RAD51B: variants seen among roughly 807,000 people sequenced by gnomAD.
RAD51B encodes RAD51 paralog B, also known as DNA repair protein RAD51 homolog 2.
A neutral mutation model predicts 42.2 loss-of-function variants in RAD51B; 38 were observed. The ratio of observed to expected loss-of-function variants is 0.90; its 90% CI spans 0.70 to 1.18. The LOEUF is 1.18. Among genes scored for constraint, RAD51B ranks in the 50% most tolerant of loss-of-function variants. The pLI, the probability that RAD51B is intolerant of heterozygous loss-of-function variation, is 0.00. For missense variants in RAD51B, 373 were observed against 400.7 expected (o/e 0.93, Z 0.59); for synonymous variants, 154 against 145.2 (o/e 1.06, Z -0.43).
rs74552871 is a variant in RAD51B at position 68,438,992 on chromosome 14, T to C, written c.957+27465T>C. On this transcript the variant is annotated intron_variant, in intron 9 of 10. Coordinates refer to ENST00000471583, the MANE Select transcript of RAD51B (RefSeq NM_133510.4). ...GTGGATCATGCCAGTCAGTGGATTG[T>C]TTGCTCTCAGATCCGCTCCCTGCCC... 1.1e-4 allele frequency among the ~76,000 whole-genome samples: 16 copies of C among 152,246 alleles called. No individual in the cohort carries two copies. In the East Asian group the frequency reaches 2.3e-3, roughly 22 times the overall value.
At chr14:68,644,587 G>A (rs927106167) in intron 10 of RAD51B, among the ~76,000 whole-genome samples, 3 of 152,318 alleles carry the variant, frequency 2.0e-5, no homozygotes, top group African/African-American at 7.2e-5. Context: ...CACACTGAAT[G>A]TTGCTCTCCT....
At chr14:68,524,450 A>C (rs1886793575) in intron 10 of RAD51B, among the ~76,000 whole-genome samples, 1 of 152,118 alleles carries the variant, frequency 6.6e-6, no homozygotes, top group Non-Finnish European at 1.5e-5. Flanking sequence ...GGGTTGGTTC[A>C]AGACCAAGAA....
rs566107713 is a variant in RAD51B, at chr14:68,648,634, A to C, written c.1037-2147A>C. Among the ~76,000 whole-genome samples the C allele has an allele frequency of 2.0e-5, 3 of 150,482 alleles. No individual in the cohort carries two copies. The South Asian group carries it at 6.4e-4, about 32-fold the overall frequency. On this transcript the variant is annotated intron_variant, in intron 10 of 11. Coordinates refer to the RAD51B transcript ENST00000488612. ...CTCTGAAGCTTAACGAAGAATTTTT[A>C]AACTAGTGGGACAAAGCTCAATAAT... is the stretch of plus-strand genomic sequence containing the variant.
intron 10 of RAD51B, among the ~76,000 whole-genome samples, chr14:68,548,368 G>A (rs894861327): frequency 1.3e-5 from 2 of 152,194 alleles, no homozygotes; most frequent in African/African-American, 2.4e-5. Context: ...ACTCAGGCTC[G>A]TGCGTCACTG....
chr14:67,932,927 G>A (rs2044794480), intron 7 of RAD51B, among the ~76,000 whole-genome samples: 2 of 152,148 alleles, frequency 1.3e-5, no homozygotes, highest in Non-Finnish European at 2.9e-5. Context: ...TAGCAGCAGT[G>A]GCAGCGGCTG....
At chr14:68,292,401 G>A (rs1484988783) in intron 8 of RAD51B, among the ~76,000 whole-genome samples, 1 of 152,124 alleles carries the variant, frequency 6.6e-6, no homozygotes, top group South Asian at 2.1e-4. Flanking sequence ...TTCCTGATCA[G>A]CTTTACAGAA....
chr14:68,438,404 A>G (rs912889432), intron 9 of RAD51B, among the ~76,000 whole-genome samples: 1 of 152,170 alleles, frequency 6.6e-6, no homozygotes, highest in Non-Finnish European at 1.5e-5. Context: ...TCACTGAAAC[A>G]GGCTGGTAAA....
intron 8 of RAD51B, among the ~76,000 whole-genome samples, chr14:68,335,529 C>T (rs1481166133): frequency 6.6e-6 from 1 of 152,134 alleles, no homozygotes; most frequent in Non-Finnish European, 1.5e-5. Context: ...AACCAGCTCA[C>T]CTTCCTGGAT....
chr14:68,260,319 G>GTGTGTGTGTGTGTGTGT (rs1555383057), intron 7 of RAD51B, among the ~76,000 whole-genome samples: 51 of 136,160 alleles, frequency 3.7e-4, no homozygotes, highest in South Asian at 6.5e-4. Flanking sequence ...GTGTGTGTGT[G>GTGTGTGTGTGTGTGTGT]GAGAGGGGAA....
intron 11 of RAD51B, among the ~76,000 whole-genome samples, chr14:68,673,348 A>C (rs900037801): frequency 6.6e-6 from 1 of 152,024 alleles, no homozygotes; most frequent in Non-Finnish European, 1.5e-5. Context: ...ACACATATAC[A>C]TAAACACACA....
chr14:68,673,951 C>G (rs1371270056), intron 11 of RAD51B, among the ~76,000 whole-genome samples: 1 of 151,960 alleles, frequency 6.6e-6, no homozygotes, highest in Non-Finnish European at 1.5e-5. Context: ...ATACTGTACA[C>G]ACACATCTAT....
intron 10 of RAD51B, among the ~76,000 whole-genome samples, chr14:68,590,156 C>G (rs1274625808): frequency 6.6e-6 from 1 of 152,206 alleles, no homozygotes; most frequent in Admixed American, 6.5e-5. Flanking sequence ...TAGTGCTGGC[C>G]TCGGCCTCCA....
chr14:67,840,799 T>C (rs11627100), intron 4 of RAD51B, among the ~76,000 whole-genome samples: 50,142 of 151,318 alleles, frequency 0.33, 8,714 homozygotes, highest in Middle Eastern at 0.45. Context: ...CATCTATTAT[T>C]TTTTGACTTT....
At chr14:68,040,465 T>C (rs202057476) in intron 7 of RAD51B, among the ~76,000 whole-genome samples, 1 of 152,232 alleles carries the variant, frequency 6.6e-6, no homozygotes, top group East Asian at 1.9e-4. Context: ...AATAGTTATG[T>C]TTTTTCTAGT....
At chr14:68,659,421 G>A (rs141554363) in intron 11 of RAD51B, among the ~76,000 whole-genome samples, 3 of 152,152 alleles carry the variant, frequency 2.0e-5, no homozygotes, top group East Asian at 1.9e-4. Context: ...ATTTACTCTC[G>A]CAGATGTTTT....
intron 10 of RAD51B, among the ~76,000 whole-genome samples, chr14:68,570,728 C>T (rs748003300): frequency 2.0e-5 from 3 of 152,202 alleles, no homozygotes; most frequent in Non-Finnish European, 4.4e-5. Context: ...AAATACTGTC[C>T]AGGCCCTTCC....
chr14:68,160,416 T>G (rs1229221517), intron 7 of RAD51B, among the ~76,000 whole-genome samples: 1 of 152,220 alleles, frequency 6.6e-6, no homozygotes, highest in Non-Finnish European at 1.5e-5. Flanking sequence ...TGCAGTCAGG[T>G]CTTTGATGCT....
At chr14:68,555,613 A>G (rs534935257) in intron 10 of RAD51B, among the ~76,000 whole-genome samples, 13 of 152,270 alleles carry the variant, frequency 8.5e-5, no homozygotes, top group Middle Eastern at 3.4e-3. Context: ...CTGTTTGCTC[A>G]CTGACAGCCA....
downstream of RAD51B, among the ~76,000 whole-genome samples, chr14:68,599,312 A>G (rs1891127843): frequency 1.3e-5 from 2 of 152,206 alleles, no homozygotes; most frequent in South Asian, 4.1e-4. Context: ...CATTTCGTAA[A>G]CACCAAGGAG....
Sources: allele counts gnomAD v4.1 joint callset (sites outside exome capture counted in the v4.1 genomes callset), GRCh38; gene constraint gnomAD v4.1.1; transcripts MANE v1.5; gene names NCBI Gene and HGNC (gene_info 2026-07-23, HGNC 2026-07-21).